GALNT18: variants seen among roughly 807,000 people sequenced by gnomAD.
The protein encoded by GALNT18 is GalNAc-transferase 18.
A neutral mutation model predicts 69.5 loss-of-function variants in GALNT18; 44 were observed. The observed-to-expected ratio is 0.63, with a 90% CI of 0.50 to 0.81. The LOEUF (loss-of-function observed/expected upper bound fraction) is 0.81, where lower values mean the gene tolerates loss of function less well. Ranked by LOEUF, GALNT18 falls within the 40% of genes least tolerant of loss-of-function variation. The pLI is 0.00. For synonymous variants in GALNT18, 364 were observed against 318.2 expected (o/e 1.14, Z -1.53); for missense variants, 715 against 810.0 (o/e 0.88, Z 1.42).
intron 1 of GALNT18, among the ~76,000 whole-genome samples, chr11:11,478,845 A>G (rs1234309451): frequency 7.3e-6 from 1 of 137,176 alleles, no homozygotes; most frequent in African/African-American, 2.8e-5. Flanking sequence ...GGCACTGAAG[A>G]GAGATGGGGG....
intron 1 of GALNT18, among the ~76,000 whole-genome samples, chr11:11,566,440 A>G (rs183233433): frequency 2.6e-3 from 393 of 152,268 alleles, no homozygotes; most frequent in African/African-American, 9.2e-3. Context: ...TGTAAGTAAC[A>G]CTATTGTATT....
chr11:11,493,851 C>T (rs1228782819), intron 1 of GALNT18, among the ~76,000 whole-genome samples: 1 of 152,118 alleles, frequency 6.6e-6, no homozygotes. Context: ...GAATTTTCCC[C>T]CTTTCCTTCA....
chr11:11,321,199 C>T (rs989827380), intron 9 of GALNT18, among the ~76,000 whole-genome samples: 4 of 152,142 alleles, frequency 2.6e-5, no homozygotes, highest in Non-Finnish European at 5.9e-5. Context: ...TAAAGAAGCC[C>T]AATCCAGCTT....
intron 1 of GALNT18, among the ~76,000 whole-genome samples, chr11:11,537,686 A>C (rs1306767625): frequency 2.6e-5 from 4 of 152,170 alleles, no homozygotes; most frequent in Non-Finnish European, 5.9e-5. Context: ...CCACAACAGA[A>C]CCATCTCAGG....
chr11:11,434,178 C>T (rs911417814), intron 2 of GALNT18, among the ~76,000 whole-genome samples: 10 of 152,046 alleles, frequency 6.6e-5, no homozygotes, highest in Admixed American at 2.6e-4. Context: ...CCATGGTTAC[C>T]AGAAATTTAC....
rs1679527319 is a variant in GALNT18, at chr11:11,396,185, G to C, written c.596-16921C>G. On this transcript the variant is annotated intron_variant, in intron 3 of 10. Coordinates refer to ENST00000227756, the MANE Select transcript of GALNT18 (RefSeq NM_198516.3). The surrounding 1 kb of genome is among the most constrained non-coding windows in gnomAD (Gnocchi z 5.2). ...CGGATAGCTGTGTGATACATTCATTGCTTTTTTCTCACCGAATTTGAAAGA... is the reference window on the plus strand; with the variant it reads ...CGGATAGCTGTGTGATACATTCATTCCTTTTTTCTCACCGAATTTGAAAGA... Among the ~76,000 whole-genome samples, 1 of 152,240 alleles carries C rather than the reference G, an allele frequency of 6.6e-6. No homozygotes were observed.
chr11:11,418,141 A>G (rs1854908757), intron 3 of GALNT18, among the ~76,000 whole-genome samples: 2 of 152,130 alleles, frequency 1.3e-5, no homozygotes, highest in African/African-American at 4.8e-5. Context: ...TTCTATCCCC[A>G]TGTTTCTGTC....
intron 1 of GALNT18, among the ~76,000 whole-genome samples, chr11:11,553,070 T>G (rs912833443): frequency 9.2e-5 from 14 of 152,128 alleles, no homozygotes; most frequent in African/African-American, 3.1e-4. Context: ...AGAATTAGTG[T>G]CTCCTGGGAA....
chr11:11,283,082 G>A lies in GALNT18; in HGVS notation c.1677+9947C>T, dbSNP rs138588872. Among the ~76,000 whole-genome samples, 11 of 152,244 alleles carry A rather than the reference G, an allele frequency of 7.2e-5. 1 individual carries two copies. In the South Asian group the frequency reaches 2.1e-3, roughly 29 times the overall value. ...CGGAGTCGTGGGCCCTGAGCTTGGG[G>A]TTAGTGGGAGGAGATGAGGTCCAAG... is the stretch of plus-strand genomic sequence containing the variant. On this transcript the variant is annotated intron_variant, in intron 10 of 10. Coordinates refer to ENST00000227756, the MANE Select transcript of GALNT18 (RefSeq NM_198516.3).
At chr11:11,524,564 G>T (rs1857475878) in intron 1 of GALNT18, among the ~76,000 whole-genome samples, 2 of 152,204 alleles carry the variant, frequency 1.3e-5, no homozygotes. Context: ...GGAAAATGGT[G>T]TGTTCCAAAT....
At chr11:11,276,034 T>G (rs1293278831) in intron 10 of GALNT18, among the ~76,000 whole-genome samples, 2 of 152,252 alleles carry the variant, frequency 1.3e-5, no homozygotes, top group Non-Finnish European at 1.5e-5. Flanking sequence ...TGGTTCCATA[T>G]GAACTTTAAA....
intron 2 of GALNT18, among the ~76,000 whole-genome samples, chr11:11,437,544 C>T (rs968412390): frequency 3.5e-4 from 53 of 151,956 alleles, no homozygotes; most frequent in South Asian, 2.1e-4. Context: ...CAGTGCTGTA[C>T]GATCATGTGA....
At chr11:11,576,595 T>A (rs2133898881) in intron 1 of GALNT18, among the ~76,000 whole-genome samples, 1 of 152,294 alleles carries the variant, frequency 6.6e-6, no homozygotes, top group East Asian at 1.9e-4. Flanking sequence ...ATTATCCCGT[T>A]CCACAGATTA....
chr11:11,416,247 G>A (rs190924779), intron 3 of GALNT18, among the ~76,000 whole-genome samples: 53 of 152,252 alleles, frequency 3.5e-4, no homozygotes, highest in African/African-American at 1.2e-3. Context: ...CATTAAAATC[G>A]TCCCTGCATT....
intron 1 of GALNT18, among the ~76,000 whole-genome samples, chr11:11,478,914 TCGG>T (rs1856461462): frequency 6.6e-6 from 1 of 151,612 alleles, no homozygotes; most frequent in South Asian, 2.1e-4. Context: ...TTGCGGCATC[TCGG>T]CATCTCCCGC....
In GALNT18 at chr11:11,546,925, A is replaced by G. The variant is rs2133963598; in HGVS notation, c.235+74434T>C. Among the ~76,000 whole-genome samples, 1 of 150,752 alleles carries G rather than the reference A, an allele frequency of 6.6e-6. No homozygotes were observed. Among genetic ancestry groups the G allele is most frequent in the African/African-American group, 2.4e-5 (1 of 41,032 alleles). ...AGATGGGTAGGTGGATGGATATGGA[A>G]TCTTCTTTTTTTTTTTTTAACTCTT... On this transcript the variant is annotated intron_variant, in intron 1 of 10. Coordinates refer to ENST00000227756, the MANE Select transcript of GALNT18 (RefSeq NM_198516.3). The surrounding 1 kb of genome is among the most constrained non-coding windows in gnomAD (Gnocchi z 5.8).
chr11:11,568,423 A>T (rs1351508486), intron 1 of GALNT18, among the ~76,000 whole-genome samples: 1 of 152,034 alleles, frequency 6.6e-6, no homozygotes, highest in East Asian at 1.9e-4. Flanking sequence ...TTTTCCATCC[A>T]TTTATACCCT....
chr11:11,376,371 G>A lies in GALNT18; in HGVS notation c.977+811C>T, dbSNP rs556441482. 3.9e-5 allele frequency among the ~76,000 whole-genome samples: 3 copies of A among 77,722 alleles called. No individual in the cohort carries two copies. The East Asian group carries it at 7.9e-4, about 21-fold the overall frequency. The allele number at this position is 77,722 out of a possible 152,430, so 51.0% of individuals were successfully genotyped here. ...CCCTCCAGCCTGGGTGACAGAGTGAGACTCCGTCTCAAAAACAAAAACAAA... is the reference window on the plus strand; with the variant it reads ...CCCTCCAGCCTGGGTGACAGAGTGAAACTCCGTCTCAAAAACAAAAACAAA... On this transcript the variant is annotated intron_variant, in intron 5 of 10. Coordinates refer to ENST00000227756, the MANE Select transcript of GALNT18 (RefSeq NM_198516.3).
chr11:11,575,364 C>A (rs1286109028), intron 1 of GALNT18, among the ~76,000 whole-genome samples: 3 of 152,188 alleles, frequency 2.0e-5, no homozygotes, highest in Non-Finnish European at 4.4e-5. Context: ...TTTCTCTTCT[C>A]AAACTAAACA....
Sources: allele counts gnomAD v4.1 joint callset (sites outside exome capture counted in the v4.1 genomes callset), GRCh38; gene constraint gnomAD v4.1.1; non-coding constraint Gnocchi (gnomAD v3.1); transcripts MANE v1.5; gene names NCBI Gene and HGNC (gene_info 2026-07-23, HGNC 2026-07-21).